The following CDC42BPA variants were observed in gnomAD, a reference collection of about 807,000 sequenced individuals.
CDC42BPA encodes serine/threonine-protein kinase MRCK alpha.
CDC42BPA carries 80 observed loss-of-function variants against 223.5 expected under a neutral mutation model. That is an observed-to-expected ratio of 0.36 (90% CI 0.30 to 0.43). The LOEUF (loss-of-function observed/expected upper bound fraction) is 0.43. CDC42BPA is among the 20% of genes least tolerant of loss of function. The probability of loss-of-function intolerance (pLI) is 1.00; values close to 1 mark genes in which losing one functional copy is unlikely to be tolerated. For synonymous variants in CDC42BPA, 694 were observed against 718.6 expected (o/e 0.97, Z 0.55); for missense variants, 1,743 against 2,099.9 (o/e 0.83, Z 3.32).
chr1:227,044,077 T>A (rs1671921395), intron 23 of CDC42BPA, among the ~76,000 whole-genome samples: 2 of 151,630 alleles, frequency 1.3e-5, no homozygotes, highest in African/African-American at 4.8e-5. Context: ...AATTAAATTT[T>A]AAAAATTTCT....
At chr1:227,313,104 T>C (rs1693810133) in intron 1 of CDC42BPA, among the ~76,000 whole-genome samples, 2 of 152,152 alleles carry the variant, frequency 1.3e-5, no homozygotes, top group Non-Finnish European at 2.9e-5. Context: ...AAAAGAGTAA[T>C]GTTCCTAAAA....
At chr1:227,305,875 A>C (rs952758077) in intron 1 of CDC42BPA, among the ~76,000 whole-genome samples, 2 of 152,220 alleles carry the variant, frequency 1.3e-5, no homozygotes, top group African/African-American at 2.4e-5. Context: ...CTGAGGCGGG[A>C]GAATCACTTG....
At position 227,000,789 on chromosome 1, in the gene CDC42BPA, A is replaced by G. The variant is rs546163825; in HGVS notation, c.4975+4205T>C. Among the ~76,000 whole-genome samples, 213 of 152,008 alleles carry G rather than the reference A, an allele frequency of 1.4e-3. 2 individuals carry two copies. Among genetic ancestry groups the G allele is most frequent in the African/African-American group, 5.1e-3 (211 of 41,428 alleles). ...TTCAGGAATTTTTCTTTTCAAAGAA[A>G]GGTTACATTCAAACACTACAACCTT... On this transcript the variant is annotated intron_variant, in intron 35 of 36. Coordinates refer to ENST00000366766, the MANE Select transcript of CDC42BPA (RefSeq NM_001394014.1).
rs915696020 is a variant in CDC42BPA at position 227,244,180 on chromosome 1, A to G, written c.270+9884T>C. Among the ~76,000 whole-genome samples, 6 of 152,222 alleles carry G rather than the reference A, an allele frequency of 3.9e-5. 1 individual carries two copies. Among genetic ancestry groups the G allele is most frequent in the African/African-American group, 1.4e-4 (6 of 41,446 alleles). Reference sequence around the variant, plus strand: ...GACCCAGCAATTCTAAATTTGTATCAAACACAAATAAGTGCTCATAGCTCC... The same window carrying G: ...GACCCAGCAATTCTAAATTTGTATCGAACACAAATAAGTGCTCATAGCTCC... On this transcript the variant is annotated intron_variant, in intron 2 of 36. Coordinates refer to ENST00000366766, the MANE Select transcript of CDC42BPA (RefSeq NM_001394014.1).
intron 16 of CDC42BPA, among the ~76,000 whole-genome samples, chr1:227,090,658 A>G (rs1429623931): frequency 2.6e-5 from 4 of 152,198 alleles, no homozygotes; most frequent in African/African-American, 9.6e-5. Context: ...TAAAAGTACA[A>G]ACATTAGCTG....
intron 1 of CDC42BPA, among the ~76,000 whole-genome samples, chr1:227,263,316 A>T (rs1553424053): frequency 6.6e-6 from 1 of 152,120 alleles, no homozygotes; most frequent in Non-Finnish European, 1.5e-5. Context: ...TTATATAATA[A>T]TTTTTTTAAT....
At chr1:227,292,947 G>C (rs969138330) in intron 1 of CDC42BPA, among the ~76,000 whole-genome samples, 1 of 151,948 alleles carries the variant, frequency 6.6e-6, no homozygotes, top group Non-Finnish European at 1.5e-5. Flanking sequence ...TGCCCTCCTT[G>C]TTATATTTTA....
chr1:227,035,108 G>T (rs745913590), intron 25 of CDC42BPA, among the ~76,000 whole-genome samples: 2 of 152,112 alleles, frequency 1.3e-5, no homozygotes, highest in East Asian at 3.8e-4. Context: ...CAAACTTGGT[G>T]TAAGATGAAG....
At chr1:227,154,684 T>C (rs1364610821) in intron 6 of CDC42BPA, among the ~76,000 whole-genome samples, 1 of 152,036 alleles carries the variant, frequency 6.6e-6, no homozygotes. Flanking sequence ...AATGGATTAA[T>C]AGTAAACATC....
chr1:227,306,290 A>G (rs1219700159), intron 1 of CDC42BPA, among the ~76,000 whole-genome samples: 2 of 152,184 alleles, frequency 1.3e-5, no homozygotes. Context: ...AGTAAGATCC[A>G]GGAACGTAAC....
chr1:227,168,497 G>GTGTTTTTTTTTT (rs1302291274), intron 5 of CDC42BPA, among the ~76,000 whole-genome samples: 9,959 of 79,698 alleles, frequency 0.12, 1,172 homozygotes, highest in Middle Eastern at 0.14. Context: ...CTTCCCTGGT[G>GTGTTTTTTTTTT]TTTTTTTTTT....
intron 5 of CDC42BPA, among the ~76,000 whole-genome samples, chr1:227,176,098 G>A (rs1030094534): frequency 1.1e-4 from 17 of 152,118 alleles, no homozygotes; most frequent in East Asian, 1.9e-4. Flanking sequence ...GACTACAGGC[G>A]TGTGATACCA....
intron 15 of CDC42BPA, among the ~76,000 whole-genome samples, chr1:227,096,428 C>G (rs751620354): frequency 1.3e-5 from 2 of 152,184 alleles, no homozygotes; most frequent in Non-Finnish European, 2.9e-5. Flanking sequence ...CCTTGTCTTC[C>G]CACTCACTGG....
chr1:227,269,166 T>C (rs970811349), intron 1 of CDC42BPA, among the ~76,000 whole-genome samples: 1 of 152,152 alleles, frequency 6.6e-6, no homozygotes, highest in Non-Finnish European at 1.5e-5. Flanking sequence ...TGTAAACAAA[T>C]AGGTGGGGCT....
chr1:227,029,346 C>T (rs1323298123), intron 29 of CDC42BPA, 96 bp from the exon 30 acceptor site: 2 of 760,798 alleles, frequency 2.6e-6, no homozygotes, highest in Admixed American at 5.9e-5. Context: ...TACAGATGCA[C>T]ATACGGAAGA....
chr1:227,060,481 C>T (rs946962990), intron 21 of CDC42BPA, among the ~76,000 whole-genome samples: 3 of 152,074 alleles, frequency 2.0e-5, no homozygotes, highest in Non-Finnish European at 4.4e-5. Context: ...GTAGAGAAGA[C>T]ATCATGCCAG....
chr1:227,153,993 C>T (rs6413866), intron 6 of CDC42BPA, among the ~76,000 whole-genome samples: 137,002 of 151,898 alleles, frequency 0.9, 62,235 homozygotes, highest in Middle Eastern at 0.96. Flanking sequence ...GAGATATGAC[C>T]AATGTCATGT....
At chr1:227,262,055 A>T (rs977508191) in intron 1 of CDC42BPA, among the ~76,000 whole-genome samples, 6 of 152,124 alleles carry the variant, frequency 3.9e-5, no homozygotes, top group African/African-American at 1.4e-4. Context: ...TTGAAAAAAA[A>T]TTAAACTAAA....
intron 16 of CDC42BPA, among the ~76,000 whole-genome samples, chr1:227,081,692 G>A (rs1414895075): frequency 6.6e-6 from 1 of 151,946 alleles, no homozygotes; most frequent in African/African-American, 2.4e-5. Context: ...GACCTCAGAT[G>A]ATAAGCCCAC....
Sources: allele counts gnomAD v4.1 joint callset (sites outside exome capture counted in the v4.1 genomes callset), GRCh38; gene constraint gnomAD v4.1.1; transcripts MANE v1.5; gene names NCBI Gene and HGNC (gene_info 2026-07-23, HGNC 2026-07-21).